Variants in RB1CC1 observed in about 807,000 individuals in gnomAD.
The protein encoded by RB1CC1 is RB1-inducible coiled-coil protein 1.
In RB1CC1, 46 loss-of-function variants were observed where a neutral mutation model predicts 177.5. The observed-to-expected ratio is 0.26, with a 90% confidence interval of 0.20 to 0.33. RB1CC1 has a LOEUF of 0.33. Among genes scored for constraint, RB1CC1 ranks in the 10% least tolerant of loss-of-function variants. The probability of loss-of-function intolerance (pLI) is 1.00; values close to 1 mark genes in which losing one functional copy is unlikely to be tolerated. For synonymous variants in RB1CC1, 666 were observed against 613.6 expected (o/e 1.09, Z -1.26); for missense variants, 1,703 against 1,816.3 (o/e 0.94, Z 1.13).
intron 1 of RB1CC1, among the ~76,000 whole-genome samples, chr8:52,699,866 A>C (rs1226705542): frequency 3.7e-5 from 5 of 135,564 alleles, no homozygotes; most frequent in African/African-American, 8.1e-5. Context: ...TATACACACA[A>C]AAACAAAAGA....
intron 8 of RB1CC1, 50 bp from the exon 9 acceptor site, chr8:52,661,769 G>T: frequency 4.4e-6 from 6 of 1,361,214 alleles, no homozygotes; most frequent in Non-Finnish European, 5.9e-6. Context: ...TTCATGAAAG[G>T]TATGGACATT....
At chr8:52,647,405 G>A (rs980467558) in intron 15 of RB1CC1, among the ~76,000 whole-genome samples, 7 of 152,068 alleles carry the variant, frequency 4.6e-5, no homozygotes, top group African/African-American at 1.7e-4. Flanking sequence ...TAAGGCGAAG[G>A]ATTTACTTTT....
Position 52,624,741 on chromosome 8 carries a change from T to A in RB1CC1, c.4683A>T (p.Glu1561Asp), listed in dbSNP as rs1378539767. ...CCTTTTTGGCTTGACAGTATTCTTT[T>A]TCCATTACTTTTCCAAGTACCCAGG... ...RRPWVLGKVM[E>D]KEYCQAKKAQ... is the part of the protein sequence containing the mutation. Residue 1561 changes from glutamate to aspartate, a missense_variant, in exon 23 of 24, where the codon GAA (glutamate) becomes GAT (aspartate). Transcript: ENST00000025008. 6.3e-7 allele frequency: 1 copy of A among 1,599,042 alleles called. No homozygotes were observed. Among genetic ancestry groups the A allele is most frequent in the East Asian group, 2.3e-5 (1 of 44,416 alleles).
intron 5 of RB1CC1, among the ~76,000 whole-genome samples, chr8:52,679,242 C>T (rs1193967715): frequency 6.6e-6 from 1 of 152,214 alleles, no homozygotes; most frequent in Non-Finnish European, 1.5e-5. Context: ...ATACCTCCCT[C>T]ACAATTTTGC....
chr8:52,707,491 T>C (rs1009110933), intron 1 of RB1CC1, among the ~76,000 whole-genome samples: 1 of 151,660 alleles, frequency 6.6e-6, no homozygotes, highest in Admixed American at 6.6e-5. Flanking sequence ...GCTTCAGTTA[T>C]TTCTGTCCAA....
intron 5 of RB1CC1, among the ~76,000 whole-genome samples, chr8:52,682,649 T>C (rs992554855): frequency 1.1e-4 from 17 of 152,182 alleles, no homozygotes; most frequent in African/African-American, 4.1e-4. Flanking sequence ...TAACTTATTT[T>C]CATATTTAAT....
At chr8:52,664,884 A>C (rs1275457118) in intron 8 of RB1CC1, among the ~76,000 whole-genome samples, 1 of 152,198 alleles carries the variant, frequency 6.6e-6, no homozygotes, top group African/African-American at 2.4e-5. Context: ...TTACTAACAA[A>C]TATAAAACCA....
At chr8:52,658,781 C>A (rs1851329224) in intron 13 of RB1CC1, 92 bp downstream of exon 13, 3 of 800,308 alleles carry the variant, frequency 3.7e-6, no homozygotes, top group African/African-American at 1.8e-5. Context: ...ATCTTGGCAC[C>A]TCTTAAGATT....
chr8:52,624,633 G>T, intron 23 of RB1CC1, 84 bp downstream of exon 23: 1 of 1,104,446 alleles, frequency 9.1e-7, no homozygotes, highest in Non-Finnish European at 1.3e-6. Flanking sequence ...GCCAAGAACA[G>T]CAGTGGTAAT....
At position 52,656,357 on chromosome 8, in the gene RB1CC1, CTTTG is replaced by C. The variant is rs781068360; in HGVS notation, c.3468_3471del (p.Asn1156LysfsTer2). The C allele has an allele frequency of 2.5e-6, 4 of 1,611,618 alleles. No homozygotes were observed. Among genetic ancestry groups the C allele is most frequent in the Non-Finnish European group, 2.5e-6 (3 of 1,179,318 alleles). The stretch of plus-strand genomic sequence containing the variant: ...AATGCTTGGTTATGCAAAGATGTTA[CTTTG>C]TTTAATTCAGCTTTAAGTATATTAG... On this transcript the variant is annotated frameshift_variant, in exon 15 of 24. Coordinates refer to ENST00000025008, the MANE Select transcript of RB1CC1 (RefSeq NM_014781.5). LOFTEE classifies it high-confidence loss of function.
At chr8:52,665,982 G>A (rs1852031144) in intron 8 of RB1CC1, among the ~76,000 whole-genome samples, 1 of 152,024 alleles carries the variant, frequency 6.6e-6, no homozygotes, top group African/African-American at 2.4e-5. Context: ...CTATGATTAG[G>A]GGTAAACTAA....
At chr8:52,706,993 C>G (rs1856619724) in intron 1 of RB1CC1, among the ~76,000 whole-genome samples, 1 of 151,964 alleles carries the variant, frequency 6.6e-6, no homozygotes, top group Admixed American at 6.5e-5. Context: ...AGAGGGAGAA[C>G]AGAACTGTGA....
chr8:52,639,806 C>G (rs540244689), intron 18 of RB1CC1, among the ~76,000 whole-genome samples: 27 of 152,194 alleles, frequency 1.8e-4, no homozygotes, highest in Non-Finnish European at 1.2e-4. Context: ...CTAAAATACT[C>G]CACTGGGTCA....
At chr8:52,661,776 C>T in intron 8 of RB1CC1, 57 bp from the exon 9 acceptor site, 2 of 1,315,074 alleles carry the variant, frequency 1.5e-6, no homozygotes, top group Admixed American at 5.4e-5. Flanking sequence ...AAGGTATGGA[C>T]ATTCAGTTAA....
intron 8 of RB1CC1, among the ~76,000 whole-genome samples, chr8:52,666,204 C>G (rs1852053543): frequency 1.3e-5 from 2 of 151,960 alleles, no homozygotes; most frequent in African/African-American, 4.8e-5. Flanking sequence ...AAAGGCAAGA[C>G]CATAAGAGTG....
chr8:52,674,021 T>C lies in RB1CC1; in HGVS notation c.826A>G (p.Lys276Glu). The C allele has an allele frequency of 6.2e-7, 1 of 1,614,196 alleles. No individual in the cohort carries two copies. Residue 276 changes from lysine (K) to glutamate (E), a missense_variant, in exon 7 of 24, where the codon AAA becomes GAA. By Grantham distance (56) the Lys-to-Glu change is moderately conservative. Transcript: ENST00000025008. ...CTTTGACAAGATTCCCTAATTTCTT[T>C]GCCACTTTCAGCATCTGCGGTATCT... Reference protein sequence around the residue: ...SPDTADAESGKEIRESCQSTV... With the variant: ...SPDTADAESGEEIRESCQSTV...
intron 15 of RB1CC1, among the ~76,000 whole-genome samples, chr8:52,647,161 A>G (rs1004578485): frequency 6.6e-6 from 1 of 152,190 alleles, no homozygotes; most frequent in Non-Finnish European, 1.5e-5. Flanking sequence ...CCTTTTATTC[A>G]TGCTTCCAAA....
chr8:52,700,420 G>C (rs1282123811), intron 1 of RB1CC1, among the ~76,000 whole-genome samples: 1 of 150,984 alleles, frequency 6.6e-6, no homozygotes, highest in African/African-American at 2.4e-5. Flanking sequence ...TTATGGGGGG[G>C]TGGGGTGGGG....
At chr8:52,634,287 C>T (rs1848970312) in intron 20 of RB1CC1, among the ~76,000 whole-genome samples, 1 of 152,124 alleles carries the variant, frequency 6.6e-6, no homozygotes, top group Non-Finnish European at 1.5e-5. Context: ...CTTTGGGAGT[C>T]CAAGGTGCGC....
Sources: allele counts gnomAD v4.1 joint callset (sites outside exome capture counted in the v4.1 genomes callset), GRCh38; gene constraint gnomAD v4.1.1; transcripts MANE v1.5; gene names NCBI Gene and HGNC (gene_info 2026-07-23, HGNC 2026-07-21).